The following ATP8A2 variants were observed in gnomAD, a reference collection of about 807,000 sequenced individuals.
The protein encoded by ATP8A2 is phospholipid-transporting ATPase IB.
In ATP8A2, 100 loss-of-function variants were observed where a neutral mutation model predicts 165.6. The ratio of observed to expected loss-of-function variants is 0.60; its 90% CI spans 0.51 to 0.71. The LOEUF is 0.71. Ranked by LOEUF, ATP8A2 falls within the 30% of genes least tolerant of loss-of-function variation. ATP8A2 has a pLI of 0.00. For missense variants in ATP8A2, 1,227 were observed against 1,479.5 expected, an observed-to-expected ratio of 0.83 and a Z score of 2.80; for synonymous variants, 543 against 548.8, an observed-to-expected ratio of 0.99 and a Z score of 0.15.
intron 13 of ATP8A2, among the ~76,000 whole-genome samples, chr13:25,557,509 G>A (rs886882699): frequency 3.3e-5 from 5 of 152,008 alleles, no homozygotes; most frequent in East Asian, 1.9e-4. Flanking sequence ...CCAGTTTTCC[G>A]GGCTTGGTTA....
intron 25 of ATP8A2, among the ~76,000 whole-genome samples, chr13:25,752,915 A>T (rs1222346753): frequency 6.6e-6 from 1 of 151,958 alleles, no homozygotes; most frequent in Non-Finnish European, 1.5e-5. Flanking sequence ...TTTCCTTGCC[A>T]CCCTCTAGCG....
At chr13:25,928,028 A>C (rs180909385) in intron 33 of ATP8A2, among the ~76,000 whole-genome samples, 2 of 152,358 alleles carry the variant, frequency 1.3e-5, no homozygotes, top group Non-Finnish European at 2.9e-5. Flanking sequence ...AAAAATAAAC[A>C]TCCTAGACTA....
chr13:25,624,279 G>A (rs760743279), intron 24 of ATP8A2, among the ~76,000 whole-genome samples: 2 of 152,110 alleles, frequency 1.3e-5, no homozygotes, highest in African/African-American at 2.4e-5. Flanking sequence ...CAGAGATGGT[G>A]GGTTAAATCA....
At chr13:25,986,090 T>C (rs980968851) in intron 35 of ATP8A2, among the ~76,000 whole-genome samples, 2 of 152,170 alleles carry the variant, frequency 1.3e-5, no homozygotes, top group Non-Finnish European at 2.9e-5. Flanking sequence ...TGAGGTATAA[T>C]TGACAAATAA....
chr13:25,574,412 G>A (rs577078341), intron 18 of ATP8A2, among the ~76,000 whole-genome samples: 24 of 152,326 alleles, frequency 1.6e-4, no homozygotes, highest in Middle Eastern at 3.4e-3. Context: ...TGTAGAAAGC[G>A]GATGTGTTGT....
At chr13:25,804,715 T>G (rs1950692737) in intron 27 of ATP8A2, among the ~76,000 whole-genome samples, 1 of 152,130 alleles carries the variant, frequency 6.6e-6, no homozygotes, top group Admixed American at 6.6e-5. Context: ...GGAGAGACAC[T>G]CTGAACCCCG....
At chr13:25,813,055 G>A (rs768325013) in intron 27 of ATP8A2, among the ~76,000 whole-genome samples, 1 of 151,974 alleles carries the variant, frequency 6.6e-6, no homozygotes, top group Non-Finnish European at 1.5e-5. Flanking sequence ...CACACACTGG[G>A]GCCTGTGGGG....
intron 35 of ATP8A2, among the ~76,000 whole-genome samples, chr13:26,010,132 G>A (rs1956813956): frequency 6.6e-6 from 1 of 152,204 alleles, no homozygotes; most frequent in African/African-American, 2.4e-5. Context: ...ACTCTAGGCG[G>A]CATCTAGGCG....
chr13:25,995,679 T>G (rs1026157461), intron 35 of ATP8A2, among the ~76,000 whole-genome samples: 3 of 152,054 alleles, frequency 2.0e-5, no homozygotes, highest in African/African-American at 7.2e-5. Context: ...TTAAGTGTGT[T>G]GAAGTTTGTT....
At chr13:25,813,883 A>G (rs3783119) in intron 27 of ATP8A2, among the ~76,000 whole-genome samples, 3,498 of 152,266 alleles carry the variant, frequency 0.023, 123 homozygotes, top group East Asian at 0.17. Context: ...AGAGAGCAGA[A>G]GACTGACCCT....
chr13:25,413,286 T>G (rs911665298), intron 1 of ATP8A2, among the ~76,000 whole-genome samples: 6 of 144,840 alleles, frequency 4.1e-5, no homozygotes, highest in East Asian at 2.0e-4. Flanking sequence ...TTGTTTTTTT[T>G]TTTTTTTTTT....
At chr13:25,742,681 C>CT (rs11395602) in intron 25 of ATP8A2, among the ~76,000 whole-genome samples, 97,397 of 130,494 alleles carry the variant, frequency 0.75, 36,628 homozygotes, top group Non-Finnish European at 0.82. Context: ...CTCTCTCTGT[C>CT]TTTTTTTTTT....
intron 16 of ATP8A2, chr13:25,567,411 TTTC>T (rs2039346957): frequency 2.2e-6 from 1 of 456,636 alleles, no homozygotes; most frequent in East Asian, 7.0e-5. Context: ...GTTAGTGATC[TTTC>T]TTCTTCTTTC....
intron 25 of ATP8A2, among the ~76,000 whole-genome samples, chr13:25,726,250 G>T (rs533154104): frequency 6.6e-6 from 1 of 152,292 alleles, no homozygotes; most frequent in South Asian, 2.1e-4. Context: ...TGTGGCTATA[G>T]CTACATGTAA....
At chr13:25,401,895 C>A (rs532819705) in intron 1 of ATP8A2, among the ~76,000 whole-genome samples, 2 of 152,148 alleles carry the variant, frequency 1.3e-5, no homozygotes, top group African/African-American at 4.8e-5. Flanking sequence ...TTCACTCTGT[C>A]GCCCAGGCTG....
chr13:25,408,265 C>T (rs1054758408), intron 1 of ATP8A2, among the ~76,000 whole-genome samples: 7 of 151,964 alleles, frequency 4.6e-5, no homozygotes, highest in African/African-American at 9.7e-5. Flanking sequence ...TGGTGGCTCC[C>T]GCCTGTAGTC....
intron 35 of ATP8A2, among the ~76,000 whole-genome samples, chr13:25,984,193 C>T (rs925275724): frequency 2.0e-5 from 3 of 151,340 alleles, no homozygotes; most frequent in Non-Finnish European, 4.4e-5. Flanking sequence ...GCTGTGATCG[C>T]ACCACTGCAC....
chr13:25,464,916 G>A (rs1463812650), intron 1 of ATP8A2, among the ~76,000 whole-genome samples: 5 of 152,190 alleles, frequency 3.3e-5, no homozygotes, highest in Non-Finnish European at 7.3e-5. Flanking sequence ...CTGCCCTCAC[G>A]GCCTTGACCT....
intron 33 of ATP8A2, among the ~76,000 whole-genome samples, chr13:25,884,703 C>G (rs1234559900): frequency 6.6e-6 from 1 of 152,214 alleles, no homozygotes; most frequent in East Asian, 1.9e-4. Flanking sequence ...GCCTGAGACT[C>G]TCCTAAGCAT....
Sources: allele counts gnomAD v4.1 joint callset (sites outside exome capture counted in the v4.1 genomes callset), GRCh38; gene constraint gnomAD v4.1.1; transcripts MANE v1.5; gene names NCBI Gene and HGNC (gene_info 2026-07-23, HGNC 2026-07-21).